Variants in GPHN observed in about 807,000 individuals in gnomAD.
The protein encoded by GPHN is gephyrin.
In GPHN, 17 loss-of-function variants were observed where a neutral mutation model predicts 95.5. The ratio of observed to expected loss-of-function variants is 0.18; its 90% CI spans 0.12 to 0.27. The LOEUF is 0.27. GPHN is among the 10% of genes least tolerant of loss of function. The pLI is 1.00. For synonymous variants in GPHN, 320 were observed against 322.5 expected (o/e 0.99, Z 0.08); for missense variants, 660 against 978.1 (o/e 0.67, Z 4.34).
chr14:67,316,855 G>A, the GPHN span: 3 of 1,611,924 alleles, frequency 1.9e-6, no homozygotes, highest in Middle Eastern at 1.7e-4. Flanking sequence ...GCAGCAAAGG[G>A]AAGCCATGAA....
At chr14:67,144,248 AAAATATATATAT>A (rs1471905841) in intron 18 of GPHN, among the ~76,000 whole-genome samples, 1 of 62,616 alleles carries the variant, frequency 1.6e-5, no homozygotes, top group African/African-American at 7.9e-5. Context: ...AAAAAAAAAA[AAAATATATATAT>A]ATATATATAT....
At chr14:67,085,375 C>A (rs1472146447) in intron 11 of GPHN, among the ~76,000 whole-genome samples, 1 of 152,214 alleles carries the variant, frequency 6.6e-6, no homozygotes, top group African/African-American at 2.4e-5. Context: ...ACTCCACTTT[C>A]TTCTACTTCC....
At chr14:66,807,874 T>G (rs1344986999) in intron 3 of GPHN, among the ~76,000 whole-genome samples, 2 of 152,222 alleles carry the variant, frequency 1.3e-5, no homozygotes, top group African/African-American at 2.4e-5. Flanking sequence ...ATGTATGCAT[T>G]CTTAGATTTC....
intron 8 of GPHN, among the ~76,000 whole-genome samples, chr14:66,927,445 T>C (rs552448096): frequency 6.6e-6 from 1 of 152,346 alleles, no homozygotes. Flanking sequence ...TGGTTTTTTG[T>C]TGGAGTCTTA....
At chr14:66,817,312 CTT>C (rs966397754) in intron 3 of GPHN, among the ~76,000 whole-genome samples, 1 of 151,926 alleles carries the variant, frequency 6.6e-6, no homozygotes, top group Non-Finnish European at 1.5e-5. Context: ...TGAAAATTAA[CTT>C]ATATAATCAT....
chr14:67,533,298 C>G, the GPHN span: 1 of 151,844 alleles, frequency 6.6e-6, no homozygotes, highest in Non-Finnish European at 1.5e-5. Context: ...CCGGCGGCAG[C>G]CCGGGACTCC....
intron 1 of GPHN, among the ~76,000 whole-genome samples, chr14:66,637,631 A>C (rs1318791142): frequency 6.6e-6 from 1 of 152,170 alleles, no homozygotes; most frequent in Non-Finnish European, 1.5e-5. Context: ...ACAAACACTT[A>C]AAAGGACTAC....
At chr14:67,130,340 G>T (rs1320022526) in intron 17 of GPHN, among the ~76,000 whole-genome samples, 1 of 151,978 alleles carries the variant, frequency 6.6e-6, no homozygotes, top group Non-Finnish European at 1.5e-5. Context: ...CCAGTGTTTA[G>T]CTCCCACTTA....
At chr14:67,436,410 A>T in the GPHN span, among the ~76,000 whole-genome samples, 1 of 152,140 alleles carries the variant, frequency 6.6e-6, no homozygotes, top group East Asian at 1.9e-4. Context: ...AAACTAGCAC[A>T]TCTGTTCCCT....
chr14:66,782,804 C>G lies in GPHN; in HGVS notation c.201+6283C>G, dbSNP rs1372050156. Among the ~76,000 whole-genome samples the G allele has an allele frequency of 2.6e-5, 4 of 151,884 alleles. No individual in the cohort carries two copies. The East Asian group carries it at 7.7e-4, about 29-fold the overall frequency. On this transcript the variant is annotated intron_variant, in intron 3 of 22. Coordinates refer to ENST00000478722, the MANE Select transcript of GPHN (RefSeq NM_020806.5). ...GCTGAGATGGTGCCACTGCACTCCA[C>G]CCTGGATGACAGAGCGAGACTCCAT...
the GPHN span, among the ~76,000 whole-genome samples, chr14:67,430,332 C>T: frequency 6.6e-6 from 1 of 152,234 alleles, no homozygotes; most frequent in East Asian, 1.9e-4. Flanking sequence ...AGGAAAAATA[C>T]CCACTGTAAG....
the GPHN span, among the ~76,000 whole-genome samples, chr14:67,359,148 CAAGA>C: frequency 2.0e-5 from 3 of 152,186 alleles, no homozygotes; most frequent in Admixed American, 6.5e-5. Context: ...TAAGGGGATC[CAAGA>C]TCGAATCCGA....
At chr14:67,290,784 T>A in the GPHN span, among the ~76,000 whole-genome samples, 1 of 151,988 alleles carries the variant, frequency 6.6e-6, no homozygotes, top group African/African-American at 2.4e-5. Context: ...GTCCACCTGC[T>A]TCAGTTTCCC....
chr14:67,504,999 A>T, the GPHN span, among the ~76,000 whole-genome samples: 44 of 152,316 alleles, frequency 2.9e-4, no homozygotes, highest in Non-Finnish European at 5.3e-4. Context: ...GATATTTTTT[A>T]AAGTTTTAAA....
At chr14:66,530,401 C>T (rs2058870748) in intron 1 of GPHN, among the ~76,000 whole-genome samples, 1 of 152,140 alleles carries the variant, frequency 6.6e-6, no homozygotes, top group African/African-American at 2.4e-5. Flanking sequence ...GGTGGGTTCC[C>T]CTGAGCTAGA....
the GPHN span, among the ~76,000 whole-genome samples, chr14:67,313,775 T>C: frequency 9.2e-5 from 14 of 152,168 alleles, no homozygotes; most frequent in Non-Finnish European, 1.9e-4. Context: ...AACACTTATG[T>C]ATATTTTTTT....
intron 9 of GPHN, among the ~76,000 whole-genome samples, chr14:66,972,320 A>T (rs1292432330): frequency 6.6e-6 from 1 of 151,464 alleles, no homozygotes; most frequent in Non-Finnish European, 1.5e-5. Context: ...AAATAGTATT[A>T]CTGGCAAAAA....
chr14:67,355,449 CAAAAAAAAAAAAAAA>C, the GPHN span, among the ~76,000 whole-genome samples: 58 of 18,958 alleles, frequency 3.1e-3, 1 homozygote, highest in African/African-American at 6.8e-3. Context: ...GACCCTGTCT[CAAAAAAAAAAAAAAA>C]AAAAAAAAAA....
chr14:67,330,076 C>T, the GPHN span, among the ~76,000 whole-genome samples: 1 of 149,774 alleles, frequency 6.7e-6, no homozygotes, highest in Non-Finnish European at 1.5e-5. Context: ...GAATATATGC[C>T]AGACAAATGC....
Sources: gnomAD v4.1 joint callset for allele counts (sites outside exome capture counted in the v4.1 genomes callset) on GRCh38, gnomAD v4.1.1 for gene constraint, MANE v1.5 for transcripts, NCBI Gene and HGNC (gene_info 2026-07-23, HGNC 2026-07-21) for gene names.